TTC7B: variants seen among roughly 807,000 people sequenced by gnomAD.
TTC7B encodes tetratricopeptide repeat protein 7B.
A neutral mutation model predicts 106.8 loss-of-function variants in TTC7B; 28 were observed. The observed-to-expected ratio is 0.26, with a 90% CI of 0.19 to 0.36. The LOEUF (loss-of-function observed/expected upper bound fraction) is 0.36. Among genes scored for constraint, TTC7B ranks in the 10% least tolerant of loss-of-function variants. The pLI is 1.00. For synonymous variants in TTC7B, 405 were observed against 430.6 expected (o/e 0.94, Z 0.74); for missense variants, 862 against 1,076.4 (o/e 0.80, Z 2.79).
intron 19 of TTC7B, among the ~76,000 whole-genome samples, chr14:90,542,583 C>G (rs1889650110): frequency 6.6e-6 from 1 of 152,240 alleles, no homozygotes; most frequent in Admixed American, 6.5e-5. Context: ...ATCGCACAGA[C>G]ATGAACATCT....
intron 9 of TTC7B, among the ~76,000 whole-genome samples, chr14:90,661,333 G>A (rs1342432329): frequency 1.3e-5 from 2 of 152,228 alleles, no homozygotes; most frequent in Non-Finnish European, 2.9e-5. Context: ...CTGTACTGAG[G>A]AAGGTGTCAC....
At chr14:90,765,972 G>A (rs1890662025) in intron 3 of TTC7B, among the ~76,000 whole-genome samples, 1 of 152,056 alleles carries the variant, frequency 6.6e-6, no homozygotes. Context: ...CCCTTTTGAG[G>A]GCCAGACATT....
intron 16 of TTC7B, among the ~76,000 whole-genome samples, chr14:90,613,375 A>G (rs1450709435): frequency 6.6e-6 from 1 of 152,314 alleles, no homozygotes; most frequent in East Asian, 1.9e-4. Flanking sequence ...CCTGGGCGAC[A>G]GAGCAAGACT....
chr14:90,715,580 T>C (rs568568159), intron 5 of TTC7B, among the ~76,000 whole-genome samples: 24 of 152,306 alleles, frequency 1.6e-4, no homozygotes, highest in African/African-American at 5.8e-4. Flanking sequence ...GCAGGTCCTA[T>C]TATTATCCCC....
chr14:90,548,695 T>C (rs1889941790), intron 19 of TTC7B, among the ~76,000 whole-genome samples: 1 of 152,200 alleles, frequency 6.6e-6, no homozygotes, highest in Non-Finnish European at 1.5e-5. Context: ...TGGGGCAGAA[T>C]GAATAAATGA....
intron 1 of TTC7B, among the ~76,000 whole-genome samples, chr14:90,799,085 C>G (rs1433052209): frequency 6.6e-6 from 1 of 152,170 alleles, no homozygotes; most frequent in East Asian, 1.9e-4. Flanking sequence ...CTACCGAGAG[C>G]CCATCTCCCA....
chr14:90,586,787 C>G (rs1353447421), intron 18 of TTC7B, among the ~76,000 whole-genome samples: 1 of 152,140 alleles, frequency 6.6e-6, no homozygotes, highest in Non-Finnish European at 1.5e-5. Flanking sequence ...TCCTCAGGCA[C>G]CCGACACTTC....
At chr14:90,580,354 C>T (rs1891437563) in intron 18 of TTC7B, among the ~76,000 whole-genome samples, 1 of 152,166 alleles carries the variant, frequency 6.6e-6, no homozygotes, top group Non-Finnish European at 1.5e-5. Context: ...TTATTTTATC[C>T]CCATTGTCCA....
chr14:90,560,628 T>A (rs1379337648), intron 19 of TTC7B, among the ~76,000 whole-genome samples: 1 of 152,122 alleles, frequency 6.6e-6, no homozygotes, highest in African/African-American at 2.4e-5. Flanking sequence ...ACTTCCCACA[T>A]CTAGAAAAAT....
intron 3 of TTC7B, among the ~76,000 whole-genome samples, chr14:90,758,235 G>A (rs1890370081): frequency 6.6e-6 from 1 of 151,090 alleles, no homozygotes; most frequent in Non-Finnish European, 1.5e-5. Flanking sequence ...CCGGCCTTGG[G>A]GCACCACTGT....
intron 3 of TTC7B, among the ~76,000 whole-genome samples, chr14:90,762,729 C>T (rs1890541558): frequency 6.6e-6 from 1 of 152,194 alleles, no homozygotes; most frequent in Admixed American, 6.5e-5. Context: ...CTCCTCAAAG[C>T]CATCACGCCT....
In TTC7B at chr14:90,805,885, G is replaced by C. The variant is rs774303986; in HGVS notation, c.121+10290C>G. On this transcript the variant is annotated intron_variant, in intron 1 of 19. Coordinates refer to ENST00000328459, the MANE Select transcript of TTC7B (RefSeq NM_001010854.2). This position sits in a 1 kb window ranked among gnomAD's most constrained non-coding sequence, Gnocchi z 4.0. ...GCACTTGGCCTCCTTGATCCCCCGG[G>C]GAAGGTGGGGCTGTGGCCTTTGCCT... Among the ~76,000 whole-genome samples, 10 of 152,252 alleles carry C rather than the reference G, an allele frequency of 6.6e-5. No individual in the cohort carries two copies. Among genetic ancestry groups the C allele is most frequent in the Non-Finnish European group, 1.5e-4 (10 of 68,038 alleles).
At chr14:90,733,107 G>A (rs932562499) in intron 4 of TTC7B, among the ~76,000 whole-genome samples, 1 of 152,098 alleles carries the variant, frequency 6.6e-6, no homozygotes, top group Non-Finnish European at 1.5e-5. Flanking sequence ...CATAGTAAAT[G>A]AATAAACTTT....
At chr14:90,766,662 G>A in intron 3 of TTC7B, 1 of 1,285,680 alleles carries the variant, frequency 7.8e-7, no homozygotes, top group Non-Finnish European at 1.1e-6. Flanking sequence ...TTCATGTGGT[G>A]TTGAGGAAAG....
intron 5 of TTC7B, among the ~76,000 whole-genome samples, chr14:90,718,624 C>T (rs1479808844): frequency 2.6e-5 from 4 of 152,086 alleles, no homozygotes; most frequent in Non-Finnish European, 1.5e-5. Context: ...TCTGGGCTGT[C>T]CTATTCGGCC....
chr14:90,596,322 T>A (rs538829343), intron 17 of TTC7B, among the ~76,000 whole-genome samples: 31 of 152,338 alleles, frequency 2.0e-4, no homozygotes, highest in Non-Finnish European at 4.0e-4. Flanking sequence ...AAATAAATAA[T>A]CAGAACTACT....
At chr14:90,625,740 A>G (rs1163871322) in intron 15 of TTC7B, among the ~76,000 whole-genome samples, 3 of 152,206 alleles carry the variant, frequency 2.0e-5, no homozygotes, top group Non-Finnish European at 2.9e-5. Context: ...CAAATACTGC[A>G]TGGGGCCTCC....
chr14:90,541,325 G>T lies in TTC7B; in HGVS notation c.*43C>A. The stretch of plus-strand genomic sequence containing the variant: ...GGCACAAGCCCTGGTGCCCGGCAGG[G>T]CCTCTGAGGCCTGAGCGGCAGGTGA... On this transcript the variant is annotated 3_prime_UTR_variant, in exon 20 of 20. Transcript: ENST00000328459. 1 of 1,532,046 alleles carries T rather than the reference G, an allele frequency of 6.5e-7. No homozygotes were observed. The allele number at this position is 1,532,046 out of a possible 1,614,324, so 94.9% of individuals were successfully genotyped here.
chr14:90,780,110 G>A (rs762665093), intron 3 of TTC7B, among the ~76,000 whole-genome samples: 4 of 152,148 alleles, frequency 2.6e-5, no homozygotes, highest in East Asian at 3.9e-4. Context: ...AGCTGGGCGC[G>A]GTGGCTCATG....
Sources: gnomAD v4.1 joint callset for allele counts (sites outside exome capture counted in the v4.1 genomes callset) on GRCh38, gnomAD v4.1.1 for gene constraint, Gnocchi (gnomAD v3.1) non-coding constraint, MANE v1.5 for transcripts, NCBI Gene and HGNC (gene_info 2026-07-23, HGNC 2026-07-21) for gene names.